The following ARHGEF33 variants were observed in gnomAD, a reference collection of about 807,000 sequenced individuals.
ARHGEF33 encodes the protein DH and coiled-coil domain-containing protein ENSP00000381780.
ARHGEF33 carries 72 observed loss-of-function variants against 101.9 expected under a neutral mutation model. That is an observed-to-expected ratio of 0.71 (90% CI 0.58 to 0.86). The LOEUF (loss-of-function observed/expected upper bound fraction) is 0.86. Ranked by LOEUF, ARHGEF33 falls within the 40% of genes least tolerant of loss-of-function variation. The pLI is 0.00. For synonymous variants in ARHGEF33, 499 were observed against 442.5 expected (o/e 1.13, Z -1.60); for missense variants, 1,169 against 1,111.3 (o/e 1.05, Z -0.74).
chr2:38,931,321 T>A, intron 7 of ARHGEF33, 70 bp downstream of exon 7: 1 of 1,320,578 alleles, frequency 7.6e-7, no homozygotes, highest in Non-Finnish European at 1.0e-6. Context: ...AGAATGGGCT[T>A]AAACCCTCCA....
At chr2:38,901,782 A>G (rs1666246483) in intron 2 of ARHGEF33, among the ~76,000 whole-genome samples, 1 of 152,226 alleles carries the variant, frequency 6.6e-6, no homozygotes, top group Non-Finnish European at 1.5e-5. Context: ...CACATCTTCC[A>G]GACTTCAAAC....
Position 38,937,434 on chromosome 2 carries a change from A to G in ARHGEF33, c.665A>G (p.Gln222Arg). 2 of 1,548,902 alleles carry G rather than the reference A, an allele frequency of 1.3e-6. No homozygotes were observed. Among genetic ancestry groups the G allele is most frequent in the Non-Finnish European group, 1.7e-6 (2 of 1,145,294 alleles). The change falls in exon 9 of 18, where the codon CAG becomes CGG. Residue 222 changes from glutamine (Q) to arginine (R), a missense_variant. By Grantham distance (43) the Gln-to-Arg change is conservative. Transcript: ENST00000409978. ...CATCTCCCATCTGGCATGTGGAGGC[A>G]GCCTAAGGATGGTAAAGAATGGGGT... Reference protein sequence around the residue: ...KGHLPSGMWRQPKDGKEWGEE... With the variant: ...KGHLPSGMWRRPKDGKEWGEE...
chr2:38,931,220 C>T lies in ARHGEF33; in HGVS notation c.474C>T (p.Thr158=). ...CTGTTCTTCCAAGCGAAGACTTTACCAACCTTTTGCCTTCTCAGGCCTACG... is the reference window on the plus strand; with the variant it reads ...CTGTTCTTCCAAGCGAAGACTTTACTAACCTTTTGCCTTCTCAGGCCTACG... ...PEPVLPSEDF[T]NLLPSQAYEK... is the part of the protein sequence containing the mutation. The change falls in exon 7 of 18, where the codon ACC becomes ACT. Residue 158 remains threonine (T), a synonymous_variant. Coordinates refer to ENST00000409978, the MANE Select transcript of ARHGEF33 (RefSeq NM_001145451.5). The T allele has an allele frequency of 6.4e-7, 1 of 1,550,972 alleles. No individual in the cohort carries two copies. Among genetic ancestry groups the T allele is most frequent in the Non-Finnish European group, 8.7e-7 (1 of 1,146,728 alleles).
chr2:38,966,193 G>C (rs1453309501), intron 17 of ARHGEF33, 48 bp downstream of exon 17: 1 of 1,535,216 alleles, frequency 6.5e-7, no homozygotes, highest in Non-Finnish European at 8.8e-7. Flanking sequence ...TTCCCTTTGG[G>C]CTAAATCTTG....
chr2:38,908,960 C>T (rs537313060), intron 2 of ARHGEF33, among the ~76,000 whole-genome samples: 19 of 152,292 alleles, frequency 1.2e-4, no homozygotes, highest in Admixed American at 4.6e-4. Context: ...TAGTAAAAAG[C>T]GTGTTTCACT....
In ARHGEF33 at chr2:38,929,839, C is replaced by T. The variant is rs1666955077; in HGVS notation, c.362+9C>T. ...CGAAAAGTTAAAGCCAAGTGAGTGT[C>T]TTTTAAAAATGTACCAAAGGCAAAC... On this transcript the variant is annotated intron_variant, in intron 6 of 17. Coordinates refer to ENST00000409978, the MANE Select transcript of ARHGEF33 (RefSeq NM_001145451.5). 2 of 1,550,320 alleles carry T rather than the reference C, an allele frequency of 1.3e-6. No homozygotes were observed. The highest frequency in any genetic ancestry group is 3.9e-5 in the Admixed American group (2 of 50,888).
chr2:38,960,430 C>A lies in ARHGEF33; in HGVS notation c.2125C>A (p.Leu709Ile), dbSNP rs915516796. 2 of 1,508,920 alleles carry A rather than the reference C, an allele frequency of 1.3e-6. No individual in the cohort carries two copies. Among genetic ancestry groups the A allele is most frequent in the Non-Finnish European group, 1.8e-6 (2 of 1,135,600 alleles). 93.5% of individuals were successfully genotyped at this position (1,508,920 alleles called of 1,614,324 possible). A position where few individuals can be genotyped will look rare whatever the true frequency, so the allele number is the denominator to read the frequency against. Reference protein sequence around the residue: ...HGKAKPLSRSLKEFPRAPPAD... With the variant: ...HGKAKPLSRSIKEFPRAPPAD... Reference sequence around the variant, plus strand: ...CAAGGCCAAGCCGCTGAGCCGCTCTCTCAAAGAGTTCCCGCGTGCGCCGCC... The same window carrying A: ...CAAGGCCAAGCCGCTGAGCCGCTCTATCAAAGAGTTCCCGCGTGCGCCGCC... Residue 709 changes from leucine to isoleucine, a missense_variant, in exon 16 of 18, where the codon CTC (leucine) becomes ATC (isoleucine). Transcript: ENST00000409978.
At chr2:38,965,922 C>T (rs1668040809) in intron 16 of ARHGEF33, 84 bp from the exon 17 acceptor site, 3 of 1,492,574 alleles carry the variant, frequency 2.0e-6, no homozygotes, top group East Asian at 2.5e-5. Context: ...AGGAAAGTCA[C>T]AACACCACAA....
chr2:38,934,898 G>A (rs1667095563), intron 7 of ARHGEF33, among the ~76,000 whole-genome samples: 3 of 152,020 alleles, frequency 2.0e-5, no homozygotes. Context: ...CCTGAAGGAA[G>A]TGAGAAAGTT....
chr2:38,938,696 T>G (rs962452329), intron 9 of ARHGEF33, among the ~76,000 whole-genome samples: 1 of 152,210 alleles, frequency 6.6e-6, no homozygotes, highest in Non-Finnish European at 1.5e-5. Flanking sequence ...ACAATATTTC[T>G]GTGCATGAAA....
intron 17 of ARHGEF33, 56 bp from the exon 18 acceptor site, chr2:38,973,658 T>C (rs1668213881): frequency 7.0e-7 from 1 of 1,428,178 alleles, no homozygotes; most frequent in Non-Finnish European, 9.2e-7. Flanking sequence ...ATAAAAATAT[T>C]TGAAAACAAT....
intron 11 of ARHGEF33, among the ~76,000 whole-genome samples, chr2:38,952,083 T>G (rs1667625070): frequency 6.6e-6 from 1 of 152,252 alleles, no homozygotes; most frequent in Non-Finnish European, 1.5e-5. Flanking sequence ...GCTTCTGATA[T>G]TTTAAGAAAA....
At chr2:38,948,102 A>G (rs1667497059) in intron 10 of ARHGEF33, among the ~76,000 whole-genome samples, 1 of 152,166 alleles carries the variant, frequency 6.6e-6, no homozygotes, top group Non-Finnish European at 1.5e-5. Flanking sequence ...TAGGAAAAAA[A>G]AAAAGCTGAG....
intron 7 of ARHGEF33, among the ~76,000 whole-genome samples, chr2:38,935,076 A>T (rs114382576): frequency 2.0e-5 from 3 of 151,350 alleles, no homozygotes; most frequent in Non-Finnish European, 2.9e-5. Flanking sequence ...AACAGCAGGC[A>T]TGAGTTGGGG....
chr2:38,933,800 G>T lies in ARHGEF33; in HGVS notation c.506-1975G>T, dbSNP rs940149289. 5.9e-5 allele frequency among the ~76,000 whole-genome samples: 9 copies of T among 152,280 alleles called. No individual in the cohort carries two copies. The East Asian group carries it at 1.7e-3, about 29-fold the overall frequency. On this transcript the variant is annotated intron_variant, in intron 7 of 17. Transcript: ENST00000409978. ...GAAAGGATTACATAAGGACGTAAAT[G>T]CTAAGGGGTGGGGATAATTGGAGCC...
chr2:38,971,376 C>T (rs982961964), intron 17 of ARHGEF33, among the ~76,000 whole-genome samples: 3 of 152,154 alleles, frequency 2.0e-5, no homozygotes, highest in African/African-American at 4.8e-5. Flanking sequence ...CCTTCCCCAG[C>T]GAGTGTTTGC....
At chr2:38,923,902 GTCTT>G (rs1486114570) in intron 4 of ARHGEF33, among the ~76,000 whole-genome samples, 3 of 152,126 alleles carry the variant, frequency 2.0e-5, no homozygotes, top group Non-Finnish European at 4.4e-5. Flanking sequence ...AATGTGAAAT[GTCTT>G]TCTAAGTTAA....
chr2:38,967,225 T>C (rs1432699404), intron 17 of ARHGEF33, among the ~76,000 whole-genome samples: 3 of 152,180 alleles, frequency 2.0e-5, no homozygotes, highest in African/African-American at 7.2e-5. Context: ...GTTTGTCTAA[T>C]TGTAATTATC....
At chr2:38,907,631 C>G (rs1011137795) in intron 2 of ARHGEF33, among the ~76,000 whole-genome samples, 3 of 152,152 alleles carry the variant, frequency 2.0e-5, no homozygotes, top group African/African-American at 7.2e-5. Flanking sequence ...TTAATGTACC[C>G]CTCTGCAAAT....
Sources: allele counts gnomAD v4.1 joint callset (sites outside exome capture counted in the v4.1 genomes callset), GRCh38; gene constraint gnomAD v4.1.1; transcripts MANE v1.5; gene names NCBI Gene and HGNC (gene_info 2026-07-23, HGNC 2026-07-21).